AGMO: variants seen among roughly 807,000 people sequenced by gnomAD.
The protein encoded by AGMO is glyceryl-ether monooxygenase.
Under a neutral mutation model 60.2 loss-of-function variants are expected in AGMO, and 75 were observed. That is an observed-to-expected ratio of 1.25 (90% CI 1.03 to 1.51). AGMO has a LOEUF of 1.51. Ranked by LOEUF, AGMO falls within the 40% of genes most tolerant of loss-of-function variation. AGMO has a pLI of 0.00. For missense variants in AGMO, 763 were observed against 525.5 expected, an observed-to-expected ratio of 1.45 and a Z score of -4.42; for synonymous variants, 261 against 177.1, an observed-to-expected ratio of 1.47 and a Z score of -3.76.
intron 3 of AGMO, among the ~76,000 whole-genome samples, chr7:15,478,353 G>A (rs1037352154): frequency 1.3e-5 from 2 of 152,104 alleles, no homozygotes; most frequent in Middle Eastern, 3.4e-3. Flanking sequence ...AATCTCCAAG[G>A]GTCTTTCTTT....
intron 8 of AGMO, among the ~76,000 whole-genome samples, chr7:15,389,402 G>C (rs944220318): frequency 6.6e-6 from 1 of 152,132 alleles, no homozygotes; most frequent in Non-Finnish European, 1.5e-5. Flanking sequence ...TTTACACAAA[G>C]CTTATTATTA....
chr7:15,423,193 T>C (rs1445005145), intron 4 of AGMO, among the ~76,000 whole-genome samples: 1 of 152,116 alleles, frequency 6.6e-6, no homozygotes, highest in Non-Finnish European at 1.5e-5. Flanking sequence ...GAAAAAGCAA[T>C]TTAAAAAAAT....
At chr7:15,156,361 TA>T in the AGMO span, among the ~76,000 whole-genome samples, 109,932 of 152,028 alleles carry the variant, frequency 0.72, 40,361 homozygotes, top group East Asian at 0.98. Context: ...GGCTGGCGGA[TA>T]GGGGGTGCTC....
the AGMO span, among the ~76,000 whole-genome samples, chr7:15,193,072 T>A: frequency 6.6e-6 from 1 of 152,234 alleles, no homozygotes; most frequent in Non-Finnish European, 1.5e-5. Context: ...TTTGAATTTT[T>A]AAAATAAAAT....
the AGMO span, among the ~76,000 whole-genome samples, chr7:15,191,959 CCT>C: frequency 1.0e-5 from 1 of 99,882 alleles, no homozygotes; most frequent in Non-Finnish European, 1.9e-5. Flanking sequence ...TCTCACTCTC[CCT>C]CTGTCTCTCT....
intron 12 of AGMO, among the ~76,000 whole-genome samples, chr7:15,285,257 G>C (rs1784070589): frequency 6.6e-6 from 1 of 151,814 alleles, no homozygotes; most frequent in African/African-American, 2.4e-5. Flanking sequence ...GAAATAAAGT[G>C]CATCAAAATT....
chr7:15,353,609 G>C (rs1024933519), intron 12 of AGMO, among the ~76,000 whole-genome samples: 4 of 152,166 alleles, frequency 2.6e-5, no homozygotes, highest in Non-Finnish European at 5.9e-5. Context: ...TTTTTTGGAC[G>C]TGAAATTTTT....
the AGMO span, among the ~76,000 whole-genome samples, chr7:15,126,971 T>C: frequency 6.6e-6 from 1 of 152,094 alleles, no homozygotes; most frequent in African/African-American, 2.4e-5. Context: ...CCCAAACATT[T>C]CCTTTCTATT....
At chr7:15,129,142 T>C in the AGMO span, among the ~76,000 whole-genome samples, 1 of 152,024 alleles carries the variant, frequency 6.6e-6, no homozygotes, top group Non-Finnish European at 1.5e-5. Context: ...AGCTGAAGTC[T>C]TGGACCAAGT....
At chr7:15,238,973 A>G (rs1044509353) in intron 12 of AGMO, among the ~76,000 whole-genome samples, 1 of 152,136 alleles carries the variant, frequency 6.6e-6, no homozygotes, top group African/African-American at 2.4e-5. Flanking sequence ...GACTTTTTGA[A>G]GTATTATCCG....
chr7:15,261,930 G>A (rs1025935024), intron 12 of AGMO, among the ~76,000 whole-genome samples: 6 of 151,756 alleles, frequency 4.0e-5, no homozygotes, highest in African/African-American at 1.4e-4. Context: ...ATAAGCATTA[G>A]ACAAAAATCC....
At chr7:15,453,636 A>C (rs1182412574) in intron 3 of AGMO, among the ~76,000 whole-genome samples, 1 of 152,216 alleles carries the variant, frequency 6.6e-6, no homozygotes, top group African/African-American at 2.4e-5. Context: ...GCAAAGGAAA[A>C]TACCAAAGTC....
At chr7:15,300,679 G>T (rs1001864101) in intron 12 of AGMO, among the ~76,000 whole-genome samples, 2 of 152,154 alleles carry the variant, frequency 1.3e-5, no homozygotes, top group Admixed American at 1.3e-4. Context: ...CTCATCTGAT[G>T]AATGGAAGAA....
chr7:15,552,974 TG>T (rs1451913711), intron 2 of AGMO, among the ~76,000 whole-genome samples: 1 of 152,000 alleles, frequency 6.6e-6, no homozygotes, highest in Non-Finnish European at 1.5e-5. Context: ...ATATACACCA[TG>T]GAATACTACA....
chr7:15,401,729 T>G (rs149498736), intron 5 of AGMO, among the ~76,000 whole-genome samples: 176 of 152,272 alleles, frequency 1.2e-3, no homozygotes, highest in Non-Finnish European at 2.2e-3. Context: ...ATGATTCTTG[T>G]CTGAGAGGGA....
At chr7:15,559,702 G>T (rs973376643) in intron 2 of AGMO, among the ~76,000 whole-genome samples, 5 of 152,048 alleles carry the variant, frequency 3.3e-5, no homozygotes, top group Non-Finnish European at 2.9e-5. Context: ...TTATGGAAAT[G>T]CTTGGCTGCA....
intron 12 of AGMO, among the ~76,000 whole-genome samples, chr7:15,304,105 G>A (rs539567101): frequency 2.6e-5 from 4 of 152,090 alleles, no homozygotes; most frequent in South Asian, 2.1e-4. Flanking sequence ...AATGCTTGAC[G>A]GCATCCTCTT....
chr7:15,432,157 A>G (rs1781260818), intron 3 of AGMO, among the ~76,000 whole-genome samples: 2 of 151,670 alleles, frequency 1.3e-5, no homozygotes, highest in Middle Eastern at 3.4e-3. Context: ...TAGAAATTAA[A>G]TCTTTTAGGC....
intron 3 of AGMO, among the ~76,000 whole-genome samples, chr7:15,479,701 C>A (rs1034126887): frequency 1.3e-5 from 2 of 152,132 alleles, no homozygotes; most frequent in Non-Finnish European, 2.9e-5. Context: ...TTTCCATCAA[C>A]CCTGAAGGCC....
Sources: gnomAD v4.1 joint callset for allele counts (sites outside exome capture counted in the v4.1 genomes callset) on GRCh38, gnomAD v4.1.1 for gene constraint, MANE v1.5 for transcripts, NCBI Gene and HGNC (gene_info 2026-07-23, HGNC 2026-07-21) for gene names.